PCLO: variants seen among roughly 807,000 people sequenced by gnomAD.
The protein encoded by PCLO is piccolo presynaptic cytomatrix protein.
In PCLO, 82 loss-of-function variants were observed where a neutral mutation model predicts 427.5. The ratio of observed to expected loss-of-function variants is 0.19; its 90% CI spans 0.16 to 0.23. PCLO has a LOEUF of 0.23. PCLO is among the 10% of genes least tolerant of loss of function. PCLO has a pLI of 1.00. For missense variants in PCLO, 6,239 were observed against 6,115.9 expected (o/e 1.02, Z -0.67); for synonymous variants, 2,357 against 2,155.4 (o/e 1.09, Z -2.59).
chr7:83,141,908 A>C (rs2116639537), intron 2 of PCLO, among the ~76,000 whole-genome samples: 1 of 152,342 alleles, frequency 6.6e-6, no homozygotes, highest in South Asian at 2.1e-4. Flanking sequence ...GACTCAAAAT[A>C]ATCAGTTTGA....
At chr7:82,951,562 A>G in intron 5 of PCLO, 72 bp from the exon 6 acceptor site, 1 of 1,053,268 alleles carries the variant, frequency 9.5e-7, no homozygotes, top group South Asian at 1.6e-5. Context: ...AAACCCTCTC[A>G]TCTTGATGAA....
chr7:82,961,837 G>A (rs1795662461), intron 4 of PCLO, among the ~76,000 whole-genome samples: 1 of 152,068 alleles, frequency 6.6e-6, no homozygotes, highest in Non-Finnish European at 1.5e-5. Flanking sequence ...ATGGTTTGTA[G>A]TTACAATAGA....
At chr7:82,905,002 C>CT (rs1476490477) in intron 8 of PCLO, among the ~76,000 whole-genome samples, 1 of 152,020 alleles carries the variant, frequency 6.6e-6, no homozygotes, top group East Asian at 1.9e-4. Flanking sequence ...TGAATCTCAG[C>CT]TTTTTAGTAA....
intron 3 of PCLO, among the ~76,000 whole-genome samples, chr7:82,997,953 C>G (rs1186405673): frequency 6.6e-6 from 1 of 151,936 alleles, no homozygotes; most frequent in Non-Finnish European, 1.5e-5. Context: ...CTACTTCATT[C>G]TAACAATAAC....
At chr7:82,764,400 C>T (rs6943575) in intron 22 of PCLO, among the ~76,000 whole-genome samples, 11,908 of 151,820 alleles carry the variant, frequency 0.078, 1,142 homozygotes, top group African/African-American at 0.23. Flanking sequence ...TATGACATAA[C>T]ATACACAATG....
intron 3 of PCLO, among the ~76,000 whole-genome samples, chr7:83,129,397 T>C (rs532685834): frequency 1.3e-5 from 2 of 152,234 alleles, no homozygotes; most frequent in South Asian, 4.1e-4. Context: ...TAAAAACACA[T>C]GGTAATCAAA....
At chr7:82,820,876 C>G in intron 20 of PCLO, 1 of 1,230,832 alleles carries the variant, frequency 8.1e-7, no homozygotes, top group Non-Finnish European at 1.0e-6. Context: ...TATTTCCCAA[C>G]AAAAGTCAAA....
intron 3 of PCLO, among the ~76,000 whole-genome samples, chr7:82,991,185 C>G (rs1796368239): frequency 6.6e-6 from 1 of 152,070 alleles, no homozygotes; most frequent in African/African-American, 2.4e-5. Context: ...ATCTCTGCAT[C>G]TTTATGTGTC....
intron 3 of PCLO, among the ~76,000 whole-genome samples, chr7:83,056,771 T>A (rs1188260016): frequency 6.6e-6 from 1 of 152,158 alleles, no homozygotes; most frequent in Admixed American, 6.5e-5. Flanking sequence ...TCATAGATGT[T>A]AAGGTGAGCA....
intron 15 of PCLO, among the ~76,000 whole-genome samples, chr7:82,836,800 A>C (rs2115749728): frequency 6.6e-6 from 1 of 152,292 alleles, no homozygotes; most frequent in African/African-American, 2.4e-5. Flanking sequence ...GTGGTGATAT[A>C]AATACTAAGC....
intron 3 of PCLO, among the ~76,000 whole-genome samples, chr7:83,063,971 T>C (rs907077549): frequency 5.2e-4 from 79 of 152,020 alleles, no homozygotes; most frequent in Non-Finnish European, 5.0e-4. Flanking sequence ...ATTGAGAAAA[T>C]ATAAAGTATT....
intron 3 of PCLO, among the ~76,000 whole-genome samples, chr7:83,017,638 A>T (rs892814668): frequency 5.3e-5 from 8 of 152,032 alleles, no homozygotes; most frequent in African/African-American, 1.9e-4. Flanking sequence ...TGAAATGTAT[A>T]TTACATATAC....
In PCLO at chr7:82,805,772, C is replaced by G. The variant is rs754479063; in HGVS notation, c.14849G>C (p.Ser4950Thr). ...ESSVSTGSSG[S>T]SFGSGYSVDS... ...CACGCTATACCCACTGCCAAAGCTG[C>G]TGCCCGAGGAGCCGGTGGACACAGA... The change falls in exon 21 of 25, where the codon AGC (serine) becomes ACC (threonine). Residue 4950 changes from serine (S) to threonine (T), a missense_variant. Physicochemically the swap from Ser to Thr is moderately conservative, Grantham distance 58. Around this residue, in one of 5 missense-constraint regions of PCLO, gnomAD observed 877 missense variants for 925.5 expected, o/e 0.95. Coordinates refer to ENST00000333891, the MANE Select transcript of PCLO (RefSeq NM_033026.6). 3 of 1,611,032 alleles carry G rather than the reference C, an allele frequency of 1.9e-6. No homozygotes were observed. Among genetic ancestry groups the G allele is most frequent in the Non-Finnish European group, 2.5e-6 (3 of 1,178,604 alleles).
intron 3 of PCLO, among the ~76,000 whole-genome samples, chr7:82,989,401 T>C (rs1796325547): frequency 2.0e-5 from 3 of 152,208 alleles, no homozygotes; most frequent in South Asian, 2.1e-4. Flanking sequence ...CAAAATCTAT[T>C]TTAAAATAGA....
intron 3 of PCLO, among the ~76,000 whole-genome samples, chr7:83,056,948 A>G (rs1290853609): frequency 6.6e-6 from 1 of 152,168 alleles, no homozygotes; most frequent in Non-Finnish European, 1.5e-5. Flanking sequence ...AATATTTTAT[A>G]TTCATCTAAC....
At chr7:82,778,328 T>C (rs1790798503) in intron 22 of PCLO, among the ~76,000 whole-genome samples, 1 of 152,126 alleles carries the variant, frequency 6.6e-6, no homozygotes, top group African/African-American at 2.4e-5. Context: ...GAGTGTAAAT[T>C]AGTTCAACCA....
chr7:83,065,742 A>G (rs1335365696), intron 3 of PCLO, among the ~76,000 whole-genome samples: 1 of 152,088 alleles, frequency 6.6e-6, no homozygotes, highest in Non-Finnish European at 1.5e-5. Flanking sequence ...AAAAAACAGG[A>G]AAGCTTTCAT....
intron 3 of PCLO, among the ~76,000 whole-genome samples, chr7:83,020,138 G>A (rs1448189135): frequency 6.6e-6 from 1 of 151,896 alleles, no homozygotes; most frequent in Non-Finnish European, 1.5e-5. Flanking sequence ...TAAATAAATG[G>A]CACACATCTA....
chr7:82,841,626 A>G, intron 13 of PCLO, 117 bp from the exon 14 acceptor site: 1 of 660,418 alleles, frequency 1.5e-6, no homozygotes, highest in Non-Finnish European at 2.7e-6. Flanking sequence ...TGGAAAATAT[A>G]TTTTATCCAT....
Sources: allele counts gnomAD v4.1 joint callset (sites outside exome capture counted in the v4.1 genomes callset), GRCh38; gene constraint gnomAD v4.1.1; regional missense constraint gnomAD v4.1.1; transcripts MANE v1.5; gene names NCBI Gene and HGNC (gene_info 2026-07-23, HGNC 2026-07-21).